The following ZNF354B variants were observed in gnomAD, a reference collection of about 807,000 sequenced individuals.
ZNF354B encodes zinc finger protein 354B.
Under a neutral mutation model 12.9 loss-of-function variants are expected in ZNF354B, and 10 were observed. The observed-to-expected ratio is 0.77, with a 90% CI of 0.48 to 1.31. The LOEUF (loss-of-function observed/expected upper bound fraction) is 1.31, where lower values mean the gene tolerates loss of function less well. Among genes scored for constraint, ZNF354B ranks in the 40% most tolerant of loss-of-function variants. The pLI is 0.00. For synonymous variants in ZNF354B, 260 were observed against 243.7 expected (o/e 1.07, Z -0.62); for missense variants, 614 against 711.7 (o/e 0.86, Z 1.56).
chr5:178,872,561 A>G (rs1040261212), intron 4 of ZNF354B, among the ~76,000 whole-genome samples: 4 of 152,196 alleles, frequency 2.6e-5, no homozygotes, highest in Non-Finnish European at 5.9e-5. Flanking sequence ...AGACATAGCC[A>G]AGTTGTTTTC....
chr5:178,862,329 C>T (rs79700986), intron 2 of ZNF354B, among the ~76,000 whole-genome samples: 22,058 of 149,808 alleles, frequency 0.15, 1,985 homozygotes, highest in African/African-American at 0.25. Context: ...TGCAGCCACG[C>T]GATACCAGAG....
Position 178,883,872 on chromosome 5 carries a change from G to A in ZNF354B, c.1420G>A (p.Ala474Thr), listed in dbSNP as rs538583007. The part of the protein sequence containing the change: ...KPCKCKVCGK[A>T]FRQSSALIQH... ...ATGTAAATGTAAAGTATGTGGAAAA[G>A]CCTTCAGACAGAGTTCCGCTCTCAT... Residue 474 changes from alanine (A) to threonine (T), a missense_variant, in exon 5 of 5, where the codon GCC becomes ACC. Coordinates refer to ENST00000322434, the MANE Select transcript of ZNF354B (RefSeq NM_058230.3). The A allele has an allele frequency of 6.2e-7, 1 of 1,614,102 alleles. No individual in the cohort carries two copies. Among genetic ancestry groups the A allele is most frequent in the East Asian group, 2.2e-5 (1 of 44,864 alleles).
chr5:178,862,943 A>G (rs960544938), intron 2 of ZNF354B, among the ~76,000 whole-genome samples: 1 of 152,204 alleles, frequency 6.6e-6, no homozygotes, highest in African/African-American at 2.4e-5. Flanking sequence ...GAGAGTGCAG[A>G]GTTCACAATT....
chr5:178,881,318 C>T (rs528888653), intron 4 of ZNF354B, among the ~76,000 whole-genome samples: 2 of 151,674 alleles, frequency 1.3e-5, no homozygotes, highest in Admixed American at 1.3e-4. Context: ...GCTAAACATT[C>T]CACAATGCAC....
At chr5:178,880,118 TC>T (rs1169840504) in intron 4 of ZNF354B, among the ~76,000 whole-genome samples, 1 of 152,132 alleles carries the variant, frequency 6.6e-6, no homozygotes, top group African/African-American at 2.4e-5. Context: ...AGAGCGAGAC[TC>T]CGTCTCAAAA....
chr5:178,876,549 T>C (rs1196331476), intron 4 of ZNF354B, among the ~76,000 whole-genome samples: 1 of 152,240 alleles, frequency 6.6e-6, no homozygotes, highest in African/African-American at 2.4e-5. Context: ...GCATCCTACA[T>C]GGCCCTTAAG....
At chr5:178,864,875 G>C (rs1048839545) in intron 2 of ZNF354B, among the ~76,000 whole-genome samples, 2 of 151,966 alleles carry the variant, frequency 1.3e-5, no homozygotes, top group African/African-American at 2.4e-5. Context: ...CACCCGCCTC[G>C]GCCTCCCAAA....
chr5:178,883,442 A>G lies in ZNF354B; in HGVS notation c.990A>G (p.Pro330=), dbSNP rs769498993. Residue 330 remains proline (P), a synonymous_variant, in exon 5 of 5, where the codon CCA becomes CCG. Transcript: ENST00000322434. The part of the protein sequence containing the change: ...HAQENPHKYN[P]GRKASSYSTS... ...AAGAAAATCCCCATAAATACAATCC[A>G]GGCAGGAAGGCATCCAGTTACAGCA... The G allele has an allele frequency of 6.2e-6, 10 of 1,613,984 alleles. No homozygotes were observed. In the South Asian group the frequency reaches 1.1e-4, roughly 18 times the overall value.
At chr5:178,877,162 C>CT (rs1554104043) in intron 4 of ZNF354B, among the ~76,000 whole-genome samples, 2 of 151,708 alleles carry the variant, frequency 1.3e-5, no homozygotes, top group Non-Finnish European at 2.9e-5. Flanking sequence ...TGCAGTTGTT[C>CT]TTTGTTTTGT....
At chr5:178,869,134 GCAGGCC>G (rs1044003887) in intron 4 of ZNF354B, among the ~76,000 whole-genome samples, 29 of 152,308 alleles carry the variant, frequency 1.9e-4, no homozygotes, top group African/African-American at 6.7e-4. Context: ...GTAGCCCAGG[GCAGGCC>G]CAGGCTGCAT....
intron 4 of ZNF354B, among the ~76,000 whole-genome samples, chr5:178,878,720 G>C (rs1232321056): frequency 1.3e-5 from 2 of 151,842 alleles, no homozygotes; most frequent in East Asian, 3.9e-4. Context: ...TTGTTTTTTT[G>C]AGATGGAGTT....
chr5:178,883,356 G>C lies in ZNF354B; in HGVS notation c.904G>C (p.Glu302Gln), dbSNP rs760911881. Reference protein sequence around the residue: ...HTVEKCYRCKECGKSFSRRSG... With the variant: ...HTVEKCYRCKQCGKSFSRRSG... ...TGTGGAGAAATGCTATAGATGTAAAGAATGTGGTAAATCCTTCAGTCGAAG... is the reference window on the plus strand; with the variant it reads ...TGTGGAGAAATGCTATAGATGTAAACAATGTGGTAAATCCTTCAGTCGAAG... Residue 302 changes from glutamate to glutamine, a missense_variant, in exon 5 of 5, where the codon GAA (glutamate) becomes CAA (glutamine). By Grantham distance (29) the Glu-to-Gln change is conservative (BLOSUM62 2). Coordinates refer to ENST00000322434, the MANE Select transcript of ZNF354B (RefSeq NM_058230.3). The C allele has an allele frequency of 4.3e-6, 7 of 1,614,078 alleles. No individual in the cohort carries two copies. Among genetic ancestry groups the C allele is most frequent in the Non-Finnish European group, 5.9e-6 (7 of 1,179,990 alleles).
At chr5:178,863,559 T>C (rs915478886) in intron 2 of ZNF354B, among the ~76,000 whole-genome samples, 1 of 152,260 alleles carries the variant, frequency 6.6e-6, no homozygotes, top group African/African-American at 2.4e-5. Context: ...CAGTTCATAA[T>C]AGTTGATGAT....
At chr5:178,862,833 G>C (rs1757383091) in intron 2 of ZNF354B, among the ~76,000 whole-genome samples, 1 of 152,166 alleles carries the variant, frequency 6.6e-6, no homozygotes, top group South Asian at 2.1e-4. Context: ...CCTGTGTGTG[G>C]GTGAGTCTCT....
chr5:178,873,061 T>TA (rs1423908495), intron 4 of ZNF354B, among the ~76,000 whole-genome samples: 3 of 152,328 alleles, frequency 2.0e-5, no homozygotes, highest in Non-Finnish European at 2.9e-5. Flanking sequence ...GTGCTGGGCT[T>TA]ACAGGCGTGA....
intron 2 of ZNF354B, 68 bp downstream of exon 2, chr5:178,861,148 G>A: frequency 4.4e-6 from 3 of 675,006 alleles, no homozygotes; most frequent in Non-Finnish European, 8.1e-6. Context: ...CTTCACCCGG[G>A]ACCATCTCCA....
At position 178,884,424 on chromosome 5, in the gene ZNF354B, T is replaced by A; in HGVS notation, c.*133T>A. 1.0e-6 allele frequency: 1 copy of A among 976,212 alleles called. No individual in the cohort carries two copies. Among genetic ancestry groups the A allele is most frequent in the Non-Finnish European group, 1.5e-6 (1 of 685,628 alleles). The allele number at this position is 976,212 out of a possible 1,614,324, so 60.5% of individuals were successfully genotyped here. Reference sequence around the variant, plus strand: ...TAAACTTTAGCTATGTAATAACTTATGGGAAAAGCTTTTATACTTGTCACT... The same window carrying A: ...TAAACTTTAGCTATGTAATAACTTAAGGGAAAAGCTTTTATACTTGTCACT... On this transcript the variant is annotated 3_prime_UTR_variant, in exon 5 of 5. Coordinates refer to ENST00000322434, the MANE Select transcript of ZNF354B (RefSeq NM_058230.3).
intron 3 of ZNF354B, 134 bp downstream of exon 3, chr5:178,866,504 A>G: frequency 7.5e-7 from 1 of 1,334,402 alleles, no homozygotes; most frequent in Non-Finnish European, 1.0e-6. Context: ...ATCTCTGTAA[A>G]TAAACATTGA....
At chr5:178,862,081 T>C (rs1410247831) in intron 2 of ZNF354B, among the ~76,000 whole-genome samples, 1 of 152,226 alleles carries the variant, frequency 6.6e-6, no homozygotes, top group South Asian at 2.1e-4. Context: ...TATTCATTTT[T>C]TTATCTAACA....
Sources: allele counts gnomAD v4.1 joint callset (sites outside exome capture counted in the v4.1 genomes callset), GRCh38; gene constraint gnomAD v4.1.1; transcripts MANE v1.5; gene names NCBI Gene and HGNC (gene_info 2026-07-23, HGNC 2026-07-21).